Variants in ACOX1 observed in about 807,000 individuals in gnomAD.
ACOX1 encodes acyl-CoA oxidase 1.
Under a neutral mutation model 75.5 loss-of-function variants are expected in ACOX1, and 41 were observed. The observed-to-expected ratio is 0.54, with a 90% CI of 0.42 to 0.70. ACOX1 has a LOEUF of 0.70. ACOX1 is among the 30% of genes least tolerant of loss of function. The probability of loss-of-function intolerance (pLI) is 0.00; values close to 1 mark genes in which losing one functional copy is unlikely to be tolerated. For missense variants in ACOX1, 630 were observed against 837.5 expected, an observed-to-expected ratio of 0.75 and a Z score of 3.06; for synonymous variants, 303 against 298.8, an observed-to-expected ratio of 1.01 and a Z score of -0.15.
intron 2 of ACOX1, among the ~76,000 whole-genome samples, chr17:75,975,853 CAGAGAGAG>C (rs35921553): frequency 2.4e-5 from 3 of 127,122 alleles, no homozygotes; most frequent in Admixed American, 8.8e-5. Flanking sequence ...AATGGAAATG[CAGAGAGAG>C]AGAGAGAGAG....
rs761032904 is a variant in ACOX1, at chr17:75,978,816, C to T, written c.110-123G>A. 2.5e-6 allele frequency: 4 copies of T among 1,601,844 alleles called. No homozygotes were observed. The highest frequency in any genetic ancestry group is 1.9e-4 in the Middle Eastern group (1 of 5,246). On this transcript the variant is annotated intron_variant, in intron 1 of 13. Transcript: ENST00000293217. The surrounding 1 kb of genome is among the most constrained non-coding windows in gnomAD (Gnocchi z 4.2). ...CTGGGGAATGGCGATATCCCCCCAC[C>T]AGGGACACAGGCTGTTCCTCGAAGT...
chr17:75,974,453 C>T (rs971322374), intron 2 of ACOX1, among the ~76,000 whole-genome samples: 4 of 152,186 alleles, frequency 2.6e-5, no homozygotes, highest in African/African-American at 9.6e-5. Flanking sequence ...GTCCTCAACT[C>T]TCTTCTTACA....
chr17:75,951,220 A>G (rs889386076), intron 8 of ACOX1, among the ~76,000 whole-genome samples, 195 bp downstream of exon 8: 33 of 152,206 alleles, frequency 2.2e-4, no homozygotes, highest in African/African-American at 7.7e-4. Flanking sequence ...ATGGTACAGT[A>G]TTTCTGATAA....
rs1466459513 is a variant in ACOX1 at position 75,978,843 on chromosome 17, G to A, written c.109+122C>T. On this transcript the variant is annotated intron_variant, in intron 1 of 13. Transcript: ENST00000293217. This position sits in a 1 kb window ranked among gnomAD's most constrained non-coding sequence, Gnocchi z 4.2. ...GGGACACAGGCTGTTCCTCGAAGTG[G>A]GGGTCCCGGCTCCCCTAACGCTGGG... 2 of 1,597,332 alleles carry A rather than the reference G, an allele frequency of 1.3e-6. No individual in the cohort carries two copies. Among genetic ancestry groups the A allele is most frequent in the Admixed American group, 3.4e-5 (2 of 59,348 alleles).
intron 3 of ACOX1, among the ~76,000 whole-genome samples, chr17:75,957,966 T>C (rs1193493436): frequency 6.6e-6 from 1 of 152,202 alleles, no homozygotes; most frequent in East Asian, 1.9e-4. Flanking sequence ...ATGTATTGTG[T>C]TAACCACACC....
At chr17:75,975,937 AAG>A (rs1421786110) in intron 2 of ACOX1, among the ~76,000 whole-genome samples, 1 of 142,000 alleles carries the variant, frequency 7.0e-6, no homozygotes, top group Non-Finnish European at 1.6e-5. Context: ...AAGGAAAAGA[AAG>A]AAAAGAAAAG....
chr17:75,950,798 G>A lies in ACOX1; in HGVS notation c.1274C>T (p.Thr425Ile). ...CCTAGCCGTCTGGAGCATCATGACA[G>A]TGTTTTCTCCCTCAAAGGTACAGCT... ...TPSCTFEGENTVMMLQTARFL... is the reference protein window; with the variant it reads ...TPSCTFEGENIVMMLQTARFL... The change falls in exon 9 of 14, where the codon ACT (threonine) becomes ATT (isoleucine). Residue 425 changes from threonine (T) to isoleucine (I), a missense_variant. Transcript: ENST00000293217. The surrounding 1 kb of genome is among the most constrained non-coding windows in gnomAD (Gnocchi z 4.3). 2 of 1,614,136 alleles carry A rather than the reference G, an allele frequency of 1.2e-6. No homozygotes were observed. The highest frequency in any genetic ancestry group is 3.3e-4 in the Middle Eastern group (2 of 6,062).
At chr17:75,976,546 TCC>T (rs750221364) in intron 2 of ACOX1, among the ~76,000 whole-genome samples, 101 of 152,170 alleles carry the variant, frequency 6.6e-4, no homozygotes, top group Non-Finnish European at 1.3e-3. Context: ...TATCTCAATA[TCC>T]CCACAGCCAT....
At chr17:75,970,590 T>C (rs537648632) in intron 2 of ACOX1, among the ~76,000 whole-genome samples, 5 of 152,210 alleles carry the variant, frequency 3.3e-5, no homozygotes, top group Non-Finnish European at 7.3e-5. Context: ...GGAAGGAACA[T>C]GGAGTGAACC....
chr17:75,973,522 T>C (rs1326424205), intron 2 of ACOX1: 6 of 1,255,800 alleles, frequency 4.8e-6, no homozygotes, highest in Admixed American at 1.9e-5. Context: ...AACTTAAAAA[T>C]AGAATCCCAA....
Position 75,978,798 on chromosome 17 carries a change from A to G in ACOX1, c.110-105T>C. 2.5e-6 allele frequency: 4 copies of G among 1,606,016 alleles called. No homozygotes were observed. The South Asian group carries it at 3.3e-5, about 13-fold the overall frequency. On this transcript the variant is annotated intron_variant, in intron 1 of 13. Transcript: ENST00000293217. This position sits in a 1 kb window ranked among gnomAD's most constrained non-coding sequence, Gnocchi z 4.2. ...TCAGAGTCGCGGACACACCTGGGGA[A>G]TGGCGATATCCCCCCACCAGGGACA...
chr17:75,967,667 T>C lies in ACOX1; in HGVS notation c.270-7292A>G, dbSNP rs147362862. Among the ~76,000 whole-genome samples the C allele has an allele frequency of 4.2e-3, 417 of 98,516 alleles. 7 individuals are homozygous for C. The highest frequency in any genetic ancestry group is 0.022 in the African/African-American group (347 of 15,424). The allele number at this position is 98,516 out of a possible 152,430, so 64.6% of individuals were successfully genotyped here. ...ATACGTATATATATACATACATATA[T>C]ATACATATATATACGTATATATATA... On this transcript the variant is annotated intron_variant, in intron 2 of 13. Transcript: ENST00000293217.
chr17:75,964,988 T>TCAACACAACAA (rs2065917323), intron 2 of ACOX1, among the ~76,000 whole-genome samples: 1 of 151,828 alleles, frequency 6.6e-6, no homozygotes, highest in Non-Finnish European at 1.5e-5. Flanking sequence ...ATCAATAATG[T>TCAACACAACAA]CAACAAAATA....
Position 75,953,260 on chromosome 17 carries a change from G to A in ACOX1, c.944+191C>T, listed in dbSNP as rs2065790778. The A allele has an allele frequency of 2.1e-5, 12 of 584,940 alleles. No individual in the cohort carries two copies. In the South Asian group the frequency reaches 2.1e-4, roughly 10 times the overall value. The allele number at this position is 584,940 out of a possible 1,614,324, so 36.2% of individuals were successfully genotyped here. ...TCTTTTTTGGCAGTCACTGATTATA[G>A]CAAGGGTGGTTATTTCTGTCTTTCC... On this transcript the variant is annotated intron_variant, in intron 7 of 13. Transcript: ENST00000293217.
In ACOX1 at chr17:75,949,233, G is replaced by A. The variant is rs369815943; in HGVS notation, c.1712C>T (p.Ala571Val). 3.1e-5 allele frequency: 50 copies of A among 1,613,998 alleles called. No homozygotes were observed. Among genetic ancestry groups the A allele is most frequent in the Non-Finnish European group, 3.7e-5 (44 of 1,180,032 alleles). Residue 571 changes from alanine to valine, a missense_variant, in exon 12 of 14, where the codon GCG becomes GTG. Coordinates refer to ENST00000293217, the MANE Select transcript of ACOX1 (RefSeq NM_004035.7). ...LYSLYGISQN[A>V]GDFLQGSIMT... Reference sequence around the variant, plus strand: ...AATACTGACCTGAAGGAAATCCCCCGCGTTCTGACTGATTCCATACAGAGA... The same window carrying A: ...AATACTGACCTGAAGGAAATCCCCCACGTTCTGACTGATTCCATACAGAGA...
intron 2 of ACOX1, among the ~76,000 whole-genome samples, chr17:75,963,796 G>C (rs548303056): frequency 5.9e-5 from 9 of 151,934 alleles, no homozygotes; most frequent in Admixed American, 5.9e-4. Context: ...ATCCCACAAG[G>C]TGTCACCACT....
At chr17:75,962,836 G>A (rs545011275) in intron 2 of ACOX1, among the ~76,000 whole-genome samples, 2 of 152,230 alleles carry the variant, frequency 1.3e-5, no homozygotes, top group South Asian at 2.1e-4. Context: ...GCAGAATGGA[G>A]TAACAGACAC....
At chr17:75,962,897 C>T (rs890384618) in intron 2 of ACOX1, among the ~76,000 whole-genome samples, 3 of 151,892 alleles carry the variant, frequency 2.0e-5, no homozygotes, top group East Asian at 1.9e-4. Flanking sequence ...TTTGGGAGGC[C>T]GAGGCAGGGG....
chr17:75,972,570 C>T (rs190430936), intron 2 of ACOX1, among the ~76,000 whole-genome samples: 159 of 148,584 alleles, frequency 1.1e-3, no homozygotes, highest in African/African-American at 3.6e-3. Flanking sequence ...CACTTGAACC[C>T]AGAGGCGGAG....
Sources: gnomAD v4.1 joint callset for allele counts (sites outside exome capture counted in the v4.1 genomes callset) on GRCh38, gnomAD v4.1.1 for gene constraint, Gnocchi (gnomAD v3.1) non-coding constraint, MANE v1.5 for transcripts, NCBI Gene and HGNC (gene_info 2026-07-23, HGNC 2026-07-21) for gene names.